Variants in DNAH7 observed in about 807,000 individuals in gnomAD.
DNAH7 encodes the protein dynein axonemal heavy chain 7.
DNAH7 carries 397 observed loss-of-function variants against 444.6 expected under a neutral mutation model. The ratio of observed to expected loss-of-function variants is 0.89; its 90% CI spans 0.82 to 0.97. The LOEUF is 0.97. Ranked by LOEUF, DNAH7 falls within the 50% of genes least tolerant of loss-of-function variation. The pLI is 0.00. For missense variants in DNAH7, 4,902 were observed against 4,800.8 expected (o/e 1.02, Z -0.62); for synonymous variants, 1,636 against 1,624.4 (o/e 1.01, Z -0.17).
At chr2:195,934,537 A>G (rs1688917610) in intron 21 of DNAH7, 54 bp downstream of exon 21, 2 of 1,524,852 alleles carry the variant, frequency 1.3e-6, no homozygotes, top group African/African-American at 1.4e-5. Context: ...AATATTTCTA[A>G]TAACATTCAT....
chr2:195,802,500 CA>C (rs978798695), intron 54 of DNAH7, among the ~76,000 whole-genome samples: 19 of 151,902 alleles, frequency 1.3e-4, no homozygotes, highest in Non-Finnish European at 2.5e-4. Flanking sequence ...AACTCCATCT[CA>C]AAAAAATTTT....
intron 59 of DNAH7, among the ~76,000 whole-genome samples, chr2:195,776,819 GA>G (rs1695087080): frequency 6.6e-6 from 1 of 151,930 alleles, no homozygotes; most frequent in Non-Finnish European, 1.5e-5. Context: ...TACCTTCCTT[GA>G]TGCTCATAGA....
chr2:196,026,073 G>A (rs550050219), intron 7 of DNAH7, among the ~76,000 whole-genome samples: 2 of 152,144 alleles, frequency 1.3e-5, no homozygotes, highest in Admixed American at 1.3e-4. Flanking sequence ...AATTATTTAT[G>A]TAAAGGGTTA....
At chr2:195,765,252 A>G (rs565416202) in intron 61 of DNAH7, among the ~76,000 whole-genome samples, 2 of 152,328 alleles carry the variant, frequency 1.3e-5, no homozygotes, top group Admixed American at 6.5e-5. Context: ...GCTTAAATCT[A>G]AGACCTCAAA....
At position 195,864,861 on chromosome 2, in the gene DNAH7, A is replaced by C; in HGVS notation, c.6794T>G (p.Leu2265Ter). Residue 2265 changes from leucine (L) to a stop codon, truncating the protein, a stop_gained, in exon 41 of 65, where the codon TTA (leucine) becomes TGA (stop). Coordinates refer to ENST00000312428, the MANE Select transcript of DNAH7 (RefSeq NM_018897.3). LOFTEE classifies it high-confidence loss of function. ...GAAATCACAAAACATTAAGCTGCGT[A>C]AGTCATCTGCTTCCACCATGCCATC... ...DNDGMVEADD[L>*]RSLMFCDFHD... 6.2e-7 allele frequency: 1 copy of C among 1,614,114 alleles called. No homozygotes were observed. Among genetic ancestry groups the C allele is most frequent in the Non-Finnish European group, 8.5e-7 (1 of 1,180,030 alleles).
intron 5 of DNAH7, among the ~76,000 whole-genome samples, chr2:196,035,333 C>A (rs980588159): frequency 2.0e-5 from 3 of 152,080 alleles, no homozygotes; most frequent in African/African-American, 7.2e-5. Context: ...TTTTTATTTT[C>A]AAAAAATATT....
chr2:195,992,517 T>C (rs1275027066), intron 12 of DNAH7, among the ~76,000 whole-genome samples: 1 of 152,336 alleles, frequency 6.6e-6, no homozygotes, highest in East Asian at 1.9e-4. Context: ...TTTTTTTGTT[T>C]GTTTGTTTTT....
chr2:196,061,016 T>C (rs949028087), intron 1 of DNAH7, among the ~76,000 whole-genome samples: 1 of 152,216 alleles, frequency 6.6e-6, no homozygotes, highest in Admixed American at 6.5e-5. Flanking sequence ...ATGTGGTGTT[T>C]TGATACATGT....
At chr2:195,870,351 G>C (rs1354143404) in intron 40 of DNAH7, among the ~76,000 whole-genome samples, 1 of 152,120 alleles carries the variant, frequency 6.6e-6, no homozygotes, top group Non-Finnish European at 1.5e-5. Context: ...AAGCAAGCTT[G>C]CATGAAAAGG....
intron 1 of DNAH7, among the ~76,000 whole-genome samples, chr2:196,062,086 T>C (rs1698162876): frequency 2.0e-5 from 3 of 152,232 alleles, no homozygotes; most frequent in South Asian, 2.1e-4. Flanking sequence ...TCACTAAATA[T>C]GGCAGCTCTT....
intron 19 of DNAH7, among the ~76,000 whole-genome samples, chr2:195,951,991 T>C (rs562304243): frequency 5.9e-5 from 9 of 152,310 alleles, no homozygotes; most frequent in African/African-American, 2.2e-4. Flanking sequence ...AGCTGGTTAT[T>C]TGGCCCATTA....
chr2:195,774,289 G>A lies in DNAH7; in HGVS notation c.11202+1557C>T, dbSNP rs543733984. ...TGCTCCTAAAGAGCTACTCATTCATGTTTGCACATATACTTTTATGCCCAG... is the reference window on the plus strand; with the variant it reads ...TGCTCCTAAAGAGCTACTCATTCATATTTGCACATATACTTTTATGCCCAG... On this transcript the variant is annotated intron_variant, in intron 60 of 64. Coordinates refer to ENST00000312428, the MANE Select transcript of DNAH7 (RefSeq NM_018897.3). Among the ~76,000 whole-genome samples, 5 of 152,328 alleles carry A rather than the reference G, an allele frequency of 3.3e-5. No homozygotes were observed. In the South Asian group the frequency reaches 8.3e-4, roughly 25 times the overall value.
chr2:195,775,648 GAA>G (rs35237602), intron 60 of DNAH7, among the ~76,000 whole-genome samples, 196 bp downstream of exon 60: 203 of 136,974 alleles, frequency 1.5e-3, no homozygotes, highest in South Asian at 2.5e-3. Flanking sequence ...AAAGATAGAT[GAA>G]AAAAAAAAAA....
intron 33 of DNAH7, among the ~76,000 whole-genome samples, chr2:195,887,477 A>C (rs1234705098): frequency 6.6e-6 from 1 of 152,026 alleles, no homozygotes; most frequent in African/African-American, 2.4e-5. Flanking sequence ...CTGTGAGTCT[A>C]TCTCTTGCTC....
chr2:195,778,009 C>T, intron 58 of DNAH7, 24 bp from the exon 59 acceptor site: 3 of 1,574,138 alleles, frequency 1.9e-6, no homozygotes, highest in Non-Finnish European at 2.6e-6. Flanking sequence ...TGTCAGTCAA[C>T]CAGTTATCAG....
chr2:195,856,017 A>C (rs1699682661), intron 44 of DNAH7, 26 bp from the exon 45 acceptor site: 1 of 1,594,932 alleles, frequency 6.3e-7, no homozygotes, highest in Admixed American at 1.7e-5. Context: ...TTGAAAAATT[A>C]AATATTCATT....
At chr2:195,946,679 TTCTC>T (rs773159712) in intron 19 of DNAH7, among the ~76,000 whole-genome samples, 4 of 152,130 alleles carry the variant, frequency 2.6e-5, no homozygotes, top group Non-Finnish European at 5.9e-5. Context: ...CTCTCTTTCT[TTCTC>T]TCTCTTTCTC....
intron 64 of DNAH7, 69 bp from the exon 65 acceptor site, chr2:195,738,196 C>T (rs1692767416): frequency 7.3e-7 from 1 of 1,365,358 alleles, no homozygotes; most frequent in African/African-American, 1.4e-5. Context: ...TTTGAGCCTA[C>T]TATAGTATTC....
At chr2:196,063,331 T>A (rs1432028397) in intron 1 of DNAH7, 1 of 152,240 alleles carries the variant, frequency 6.6e-6, no homozygotes, top group African/African-American at 2.4e-5. Flanking sequence ...TGTTTCTAAC[T>A]AGTTCAACAT....
Sources: allele counts gnomAD v4.1 joint callset (sites outside exome capture counted in the v4.1 genomes callset), GRCh38; gene constraint gnomAD v4.1.1; transcripts MANE v1.5; gene names NCBI Gene and HGNC (gene_info 2026-07-23, HGNC 2026-07-21).